The following GBE1 variants were observed in gnomAD, a reference collection of about 807,000 sequenced individuals.
GBE1 encodes 1,4-alpha-glucan branching enzyme 1, also known as 1,4-alpha-glucan-branching enzyme.
A neutral mutation model predicts 88.8 loss-of-function variants in GBE1; 70 were observed. The observed-to-expected ratio is 0.79, with a 90% CI of 0.65 to 0.96. GBE1 has a LOEUF of 0.96. Ranked by LOEUF, GBE1 falls within the 40% of genes least tolerant of loss-of-function variation. The pLI, the probability that GBE1 is intolerant of heterozygous loss-of-function variation, is 0.00. For missense variants in GBE1, 872 were observed against 871.0 expected (o/e 1.00, Z -0.01); for synonymous variants, 284 against 300.1 (o/e 0.95, Z 0.56).
intron 7 of GBE1, among the ~76,000 whole-genome samples, chr3:81,626,066 C>T (rs1318496184): frequency 6.6e-6 from 1 of 152,150 alleles, no homozygotes; most frequent in Non-Finnish European, 1.5e-5. Context: ...AGTTTAGGGG[C>T]GGTAAGATTT....
At chr3:81,497,873 A>G (rs1029785434) in intron 15 of GBE1, among the ~76,000 whole-genome samples, 18 of 152,170 alleles carry the variant, frequency 1.2e-4, no homozygotes, top group African/African-American at 4.3e-4. Flanking sequence ...CACTTCCAAA[A>G]CTATTTTTAT....
chr3:81,594,149 T>G, intron 7 of GBE1, 126 bp from the exon 8 acceptor site: 1 of 485,936 alleles, frequency 2.1e-6, no homozygotes, highest in Non-Finnish European at 3.7e-6. Context: ...TCAAGAAACA[T>G]AACATATATA....
chr3:81,738,535 T>A (rs1706305698), intron 1 of GBE1, among the ~76,000 whole-genome samples: 1 of 151,624 alleles, frequency 6.6e-6, no homozygotes, highest in Non-Finnish European at 1.5e-5. Context: ...TGTTTTTTTT[T>A]TAAAAAAAAA....
intron 13 of GBE1, 49 bp from the exon 14 acceptor site, chr3:81,535,374 CTACAAG>C (rs1393204539): frequency 3.9e-6 from 6 of 1,521,874 alleles, no homozygotes; most frequent in African/African-American, 1.4e-5. Context: ...CTAGATGCTG[CTACAAG>C]TACATTATTT....
chr3:81,547,106 TC>T (rs1366501690), intron 12 of GBE1, among the ~76,000 whole-genome samples: 1 of 151,338 alleles, frequency 6.6e-6, no homozygotes, highest in Non-Finnish European at 1.5e-5. Context: ...TGGCGAACTT[TC>T]GGCACGTGGG....
chr3:81,581,074 G>A (rs1448292584), intron 11 of GBE1, 91 bp downstream of exon 11: 8 of 727,244 alleles, frequency 1.1e-5, no homozygotes, highest in East Asian at 8.3e-5. Context: ...TTTATATTTC[G>A]ATATGTTTAT....
chr3:81,520,776 AT>A (rs1426800549), intron 14 of GBE1, among the ~76,000 whole-genome samples: 1 of 151,556 alleles, frequency 6.6e-6, no homozygotes, highest in Non-Finnish European at 1.5e-5. Context: ...AATATTGGTG[AT>A]TATTACACTG....
chr3:81,737,503 C>T (rs1040017987), intron 1 of GBE1, among the ~76,000 whole-genome samples: 3 of 147,490 alleles, frequency 2.0e-5, no homozygotes, highest in Non-Finnish European at 3.0e-5. Flanking sequence ...CAAATGTGTG[C>T]CACAGACCAC....
intron 9 of GBE1, 124 bp from the exon 10 acceptor site, chr3:81,586,314 A>G (rs1703802982): frequency 3.3e-6 from 2 of 612,454 alleles, no homozygotes; most frequent in Non-Finnish European, 5.6e-6. Flanking sequence ...TGGTAACATA[A>G]AAGTCGATAA....
rs531110144 is a variant in GBE1, at chr3:81,548,354, T to C, written c.1619-11259A>G. Among the ~76,000 whole-genome samples the C allele has an allele frequency of 1.4e-4, 21 of 151,634 alleles. 1 individual carries two copies. The highest frequency in any genetic ancestry group is 6.8e-3 in the Middle Eastern group (2 of 294). The stretch of plus-strand genomic sequence containing the variant: ...ATTGGTTTTAACATTAATAGTACAC[T>C]AATGTAAAGGTGAAATTTGGCTTAT... On this transcript the variant is annotated intron_variant, in intron 12 of 15. Transcript: ENST00000429644.
intron 14 of GBE1, among the ~76,000 whole-genome samples, chr3:81,509,881 T>A (rs1702702148): frequency 6.6e-6 from 1 of 152,012 alleles, no homozygotes; most frequent in African/African-American, 2.4e-5. Flanking sequence ...TATAAATTTA[T>A]AACAGAATAT....
intron 7 of GBE1, among the ~76,000 whole-genome samples, chr3:81,609,673 G>A (rs914472744): frequency 6.6e-6 from 1 of 152,034 alleles, no homozygotes; most frequent in African/African-American, 2.4e-5. Flanking sequence ...GCAGCTCATG[G>A]ACTTTATGGC....
Position 81,537,029 on chromosome 3 carries a change from T to C in GBE1, c.1685A>G (p.Tyr562Cys). 6.3e-7 allele frequency: 1 copy of C among 1,587,292 alleles called. No individual in the cohort carries two copies. Among genetic ancestry groups the C allele is most frequent in the Non-Finnish European group, 8.6e-7 (1 of 1,168,592 alleles). ...AGTTAAATGAAACTGCCGCCTGGCA[T>C]AATGGTAACTCTCATTATTTCCTTT... ...PRKGNNESYH[Y>C]ARRQFHLTDD... The change falls in exon 13 of 16, where the codon TAT (tyrosine) becomes TGT (cysteine). Residue 562 changes from tyrosine to cysteine, a missense_variant. Tyr to Cys is a radical substitution (Grantham distance 194). Coordinates refer to ENST00000429644, the MANE Select transcript of GBE1 (RefSeq NM_000158.4).
intron 1 of GBE1, among the ~76,000 whole-genome samples, chr3:81,737,873 G>A (rs1458325159): frequency 6.6e-6 from 1 of 152,060 alleles, no homozygotes; most frequent in Non-Finnish European, 1.5e-5. Context: ...TCTAGCATTA[G>A]GTATATCTCC....
At chr3:81,514,257 TACAA>T (rs1253624710) in intron 14 of GBE1, among the ~76,000 whole-genome samples, 3 of 151,558 alleles carry the variant, frequency 2.0e-5, no homozygotes, top group Non-Finnish European at 4.4e-5. Context: ...TAATTTTACA[TACAA>T]ACATAATAAT....
At chr3:81,522,608 C>T (rs910377991) in intron 14 of GBE1, among the ~76,000 whole-genome samples, 1 of 151,378 alleles carries the variant, frequency 6.6e-6, no homozygotes, top group Non-Finnish European at 1.5e-5. Context: ...CTATTTAGAC[C>T]ATTACATCTT....
intron 1 of GBE1, among the ~76,000 whole-genome samples, chr3:81,760,220 G>A (rs547812268): frequency 2.6e-4 from 40 of 152,148 alleles, no homozygotes; most frequent in Non-Finnish European, 5.1e-4. Context: ...CTATATACAA[G>A]CTCAAGAATG....
chr3:81,493,165 C>A (rs1340511194), intron 15 of GBE1, among the ~76,000 whole-genome samples: 1 of 152,204 alleles, frequency 6.6e-6, no homozygotes, highest in Non-Finnish European at 1.5e-5. Context: ...CCAATCTAAA[C>A]ATTTCAGTAG....
At position 81,535,336 on chromosome 3, in the gene GBE1, T is replaced by C; in HGVS notation, c.1804-11A>G. The C allele has an allele frequency of 6.3e-7, 1 of 1,595,106 alleles. No homozygotes were observed. Among genetic ancestry groups the C allele is most frequent in the Non-Finnish European group, 8.5e-7 (1 of 1,173,524 alleles). Reference sequence around the variant, plus strand: ...TTCACTCACGTAGGCCTGCAAGAATTAGCACACATGTTACATTTAAATAAT... The same window carrying C: ...TTCACTCACGTAGGCCTGCAAGAATCAGCACACATGTTACATTTAAATAAT... On this transcript the variant is annotated splice_polypyrimidine_tract_variant and intron_variant, in intron 13 of 15. Transcript: ENST00000429644.
Sources: gnomAD v4.1 joint callset for allele counts (sites outside exome capture counted in the v4.1 genomes callset) on GRCh38, gnomAD v4.1.1 for gene constraint, MANE v1.5 for transcripts, NCBI Gene and HGNC (gene_info 2026-07-23, HGNC 2026-07-21) for gene names.